XKR9: variants seen among roughly 807,000 people sequenced by gnomAD.
XKR9 encodes the protein XK related 9, also known as XK-related protein 9.
XKR9 carries 32 observed loss-of-function variants against 32.0 expected under a neutral mutation model. The ratio of observed to expected loss-of-function variants is 1.00; its 90% CI spans 0.76 to 1.34. XKR9 has a LOEUF of 1.34. Ranked by LOEUF, XKR9 falls within the 40% of genes most tolerant of loss-of-function variation. The probability of loss-of-function intolerance (pLI) is 0.00; values close to 1 mark genes in which losing one functional copy is unlikely to be tolerated. For synonymous variants in XKR9, 168 were observed against 143.4 expected (o/e 1.17, Z -1.22); for missense variants, 546 against 429.7 (o/e 1.27, Z -2.39).
the XKR9 span, among the ~76,000 whole-genome samples, chr8:70,802,483 G>C: frequency 6.6e-6 from 1 of 152,112 alleles, no homozygotes; most frequent in Admixed American, 6.5e-5. Context: ...TTACATTCAA[G>C]GTTAATATTT....
chr8:71,057,862 C>A, the XKR9 span, among the ~76,000 whole-genome samples: 1 of 152,094 alleles, frequency 6.6e-6, no homozygotes, highest in East Asian at 1.9e-4. Context: ...CCACTCTGAG[C>A]CTTTGGGAGT....
chr8:71,031,448 T>C, the XKR9 span, among the ~76,000 whole-genome samples: 2 of 152,196 alleles, frequency 1.3e-5, no homozygotes, highest in Non-Finnish European at 2.9e-5. Context: ...TGAGTCATCC[T>C]AGCCATGGAA....
At chr8:70,678,554 G>A (rs1818958985) in intron 2 of XKR9, among the ~76,000 whole-genome samples, 1 of 152,122 alleles carries the variant, frequency 6.6e-6, no homozygotes, top group South Asian at 2.1e-4. Flanking sequence ...GTTCAATTGA[G>A]CAGAACCTCC....
At chr8:71,061,103 A>G in the XKR9 span, among the ~76,000 whole-genome samples, 1 of 152,220 alleles carries the variant, frequency 6.6e-6, no homozygotes. Flanking sequence ...AATGAGGCAC[A>G]AAGAAGCAAA....
chr8:70,974,997 A>G, the XKR9 span, among the ~76,000 whole-genome samples: 1 of 152,142 alleles, frequency 6.6e-6, no homozygotes, highest in South Asian at 2.1e-4. Flanking sequence ...CAGTGATGAT[A>G]AGCATTTTTT....
chr8:71,059,265 G>C, the XKR9 span, among the ~76,000 whole-genome samples: 1 of 152,244 alleles, frequency 6.6e-6, no homozygotes, highest in Admixed American at 6.5e-5. Flanking sequence ...CACTGTCACA[G>C]AATGTGCCCT....
the XKR9 span, among the ~76,000 whole-genome samples, chr8:70,825,467 G>C: frequency 6.6e-6 from 1 of 152,146 alleles, no homozygotes; most frequent in African/African-American, 2.4e-5. Flanking sequence ...TCAATACTCA[G>C]TGAATTCACT....
chr8:70,883,157 G>A, the XKR9 span, among the ~76,000 whole-genome samples: 1 of 149,256 alleles, frequency 6.7e-6, no homozygotes. Flanking sequence ...ATTCCCCAAA[G>A]TCTATTTTAT....
chr8:70,900,307 C>T, the XKR9 span, among the ~76,000 whole-genome samples: 11,043 of 152,146 alleles, frequency 0.073, 470 homozygotes, highest in Non-Finnish European at 0.089. Flanking sequence ...AAAGGAACTC[C>T]ACGCTGGGTG....
the XKR9 span, among the ~76,000 whole-genome samples, chr8:71,039,957 T>C: frequency 6.6e-6 from 1 of 152,194 alleles, no homozygotes; most frequent in Non-Finnish European, 1.5e-5. Context: ...GATTGTTTTG[T>C]AATGGAAAAA....
the XKR9 span, among the ~76,000 whole-genome samples, chr8:71,032,301 A>AC: frequency 2.8e-5 from 4 of 144,294 alleles, no homozygotes; most frequent in African/African-American, 5.0e-5. Flanking sequence ...AAAAAAAAAA[A>AC]AAAAAAACCA....
chr8:70,733,730 G>A (rs529305138), intron 4 of XKR9, 66 bp from the exon 5 acceptor site: 3 of 1,364,762 alleles, frequency 2.2e-6, no homozygotes, highest in Admixed American at 6.0e-5. Context: ...AGCATGTATG[G>A]GATATAGTAA....
intron 3 of XKR9, among the ~76,000 whole-genome samples, chr8:70,699,760 T>A (rs1276648694): frequency 6.6e-6 from 1 of 152,240 alleles, no homozygotes; most frequent in Non-Finnish European, 1.5e-5. Context: ...TTCTCCTGGA[T>A]AATATCCTGC....
chr8:70,743,179 A>T (rs1056344141), intron 2 of XKR9, among the ~76,000 whole-genome samples: 1 of 152,100 alleles, frequency 6.6e-6, no homozygotes. Context: ...TGTTAAGTTC[A>T]TATAATGAAT....
At chr8:70,709,618 T>G (rs541016537) in intron 4 of XKR9, among the ~76,000 whole-genome samples, 1 of 152,212 alleles carries the variant, frequency 6.6e-6, no homozygotes, top group East Asian at 1.9e-4. Context: ...GTATACAAGA[T>G]CGATGTACAA....
the XKR9 span, among the ~76,000 whole-genome samples, chr8:70,893,277 C>G: frequency 6.6e-6 from 1 of 152,074 alleles, no homozygotes; most frequent in Non-Finnish European, 1.5e-5. Flanking sequence ...TCTGTATTTT[C>G]TTATATTTCA....
At chr8:70,977,324 G>A in the XKR9 span, among the ~76,000 whole-genome samples, 1 of 152,026 alleles carries the variant, frequency 6.6e-6, no homozygotes, top group Non-Finnish European at 1.5e-5. Context: ...TCTTTTAATT[G>A]TGATGTTAGG....
At chr8:70,823,412 G>T in the XKR9 span, among the ~76,000 whole-genome samples, 1 of 152,294 alleles carries the variant, frequency 6.6e-6, no homozygotes, top group South Asian at 2.1e-4. Flanking sequence ...AGAAGTAGAA[G>T]TGTAATTCCA....
the XKR9 span, among the ~76,000 whole-genome samples, chr8:71,009,755 T>C: frequency 1.3e-5 from 2 of 152,214 alleles, no homozygotes; most frequent in African/African-American, 4.8e-5. Flanking sequence ...ATTCCCAGAA[T>C]CTAGGCAGCC....
Sources: allele counts gnomAD v4.1 joint callset (sites outside exome capture counted in the v4.1 genomes callset), GRCh38; gene constraint gnomAD v4.1.1; transcripts MANE v1.5; gene names NCBI Gene and HGNC (gene_info 2026-07-23, HGNC 2026-07-21).